Variants in COL6A6 observed in about 807,000 individuals in gnomAD.
COL6A6 encodes collagen alpha-6(VI) chain.
A neutral mutation model predicts 208.6 loss-of-function variants in COL6A6; 183 were observed. The ratio of observed to expected loss-of-function variants is 0.88; its 90% CI spans 0.78 to 0.99. COL6A6 has a LOEUF of 0.99. Among genes scored for constraint, COL6A6 ranks in the 50% least tolerant of loss-of-function variants. The pLI is 0.00. For missense variants in COL6A6, 2,816 were observed against 2,815.2 expected (o/e 1.00, Z -0.01); for synonymous variants, 973 against 1,011.8 (o/e 0.96, Z 0.73).
At position 130,649,369 on chromosome 3, in the gene COL6A6, GGTTT is replaced by G; in HGVS notation, c.5541_5544del (p.Ile1849ProfsTer48). 2 of 1,612,190 alleles carry G rather than the reference GGTTT, an allele frequency of 1.2e-6. No homozygotes were observed. The highest frequency in any genetic ancestry group is 1.7e-6 in the Non-Finnish European group (2 of 1,179,216). On this transcript the variant is annotated frameshift_variant, in exon 33 of 37. Coordinates refer to ENST00000358511, the MANE Select transcript of COL6A6 (RefSeq NM_001102608.3). LOFTEE classifies it high-confidence loss of function. The stretch of plus-strand genomic sequence containing the variant: ...AGCAGGGAGATTGGCAGAGCAATGC[GGTTT>G]ATTTCCAGGAATGTCTTCAAGCGGA...
At chr3:130,526,300 G>C (rs1444765834) in intron 1 of COL6A6, among the ~76,000 whole-genome samples, 1 of 151,990 alleles carries the variant, frequency 6.6e-6, no homozygotes, top group Non-Finnish European at 1.5e-5. Flanking sequence ...TTCCAAGCAG[G>C]AACAACTTTG....
In COL6A6 at chr3:130,537,362, TTAG is replaced by T. The variant is rs549167250; in HGVS notation, c.-32+19970_-32+19972del. Among the ~76,000 whole-genome samples the T allele has an allele frequency of 3.3e-5, 5 of 152,294 alleles. No individual in the cohort carries two copies. In the South Asian group the frequency reaches 1.0e-3, roughly 32 times the overall value. On this transcript the variant is annotated intron_variant, in intron 1 of 36. Transcript: ENST00000358511. The stretch of plus-strand genomic sequence containing the variant: ...TGGCTCTTAGAATAATGGCTGGCAC[TTAG>T]TAGTGCTCAGTAGTAGCTGTTATTC...
chr3:130,555,145 C>T lies in COL6A6; in HGVS notation c.-31-5189C>T, dbSNP rs769900631. ...ATGTTCCCACACCAAACTCTTTGGGCTCTGCATAGGCTGGAGTCCTGCCCC... is the reference window on the plus strand; with the variant it reads ...ATGTTCCCACACCAAACTCTTTGGGTTCTGCATAGGCTGGAGTCCTGCCCC... On this transcript the variant is annotated intron_variant, in intron 1 of 36. Coordinates refer to ENST00000358511, the MANE Select transcript of COL6A6 (RefSeq NM_001102608.3). Among the ~76,000 whole-genome samples the T allele has an allele frequency of 6.4e-4, 98 of 152,208 alleles. 1 individual carries two copies. Among genetic ancestry groups the T allele is most frequent in the Middle Eastern group, 3.2e-3 (1 of 316 alleles).
At chr3:130,653,878 A>G (rs895364864) in intron 33 of COL6A6, among the ~76,000 whole-genome samples, 14 of 152,178 alleles carry the variant, frequency 9.2e-5, no homozygotes, top group Non-Finnish European at 1.9e-4. Flanking sequence ...CTCTCCCCAT[A>G]AAACAACTCA....
intron 1 of COL6A6, among the ~76,000 whole-genome samples, chr3:130,534,126 A>G (rs1334221344): frequency 6.6e-6 from 1 of 152,188 alleles, no homozygotes; most frequent in Admixed American, 6.5e-5. Flanking sequence ...GCATCAAATT[A>G]TATTCCCACC....
In COL6A6 at chr3:130,571,189, G is replaced by A. The variant is rs1409232313; in HGVS notation, c.2773G>A (p.Asp925Asn). The A allele has an allele frequency of 1.2e-6, 2 of 1,613,462 alleles. No homozygotes were observed. Among genetic ancestry groups the A allele is most frequent in the Non-Finnish European group, 1.7e-6 (2 of 1,179,668 alleles). Residue 925 changes from aspartate (D) to asparagine (N), a missense_variant, in exon 7 of 37, where the codon GAT (aspartate) becomes AAT (asparagine). Transcript: ENST00000358511. ...TGTGATCACCGATGGGGAATCCCAT[G>A]ATGCTGATAAACTCAATGCCACGGC... The part of the protein sequence containing the change: ...LIVITDGESH[D>N]ADKLNATAKA...
Position 130,566,686 on chromosome 3 carries a change from A to G in COL6A6, c.1283-16A>G, listed in dbSNP as rs746722067. On this transcript the variant is annotated splice_polypyrimidine_tract_variant and intron_variant, in intron 4 of 36. Transcript: ENST00000358511. ...CTTGCTCAAATGCCACATGCAACTT[A>G]TTGATTCCTTTTTAGGTTGTGTGGA... 2.4e-5 allele frequency: 37 copies of G among 1,567,594 alleles called. No individual in the cohort carries two copies. Among genetic ancestry groups the G allele is most frequent in the Non-Finnish European group, 2.8e-5 (32 of 1,156,134 alleles).
At chr3:130,667,012 C>A (rs192946711) in intron 36 of COL6A6, among the ~76,000 whole-genome samples, 1 of 152,130 alleles carries the variant, frequency 6.6e-6, no homozygotes, top group African/African-American at 2.4e-5. Context: ...GTGGAAACCA[C>A]AAAACTATTG....
intron 36 of COL6A6, among the ~76,000 whole-genome samples, chr3:130,668,677 CAA>C (rs2066136768): frequency 6.6e-6 from 1 of 152,002 alleles, no homozygotes. Flanking sequence ...TACATGATGA[CAA>C]AGTGTTCAAT....
intron 33 of COL6A6, among the ~76,000 whole-genome samples, chr3:130,656,756 A>G (rs2065800197): frequency 6.6e-6 from 1 of 152,160 alleles, no homozygotes; most frequent in Admixed American, 6.5e-5. Flanking sequence ...CTGCCCTGAG[A>G]ACCCCCCTTG....
chr3:130,574,386 C>T lies in COL6A6; in HGVS notation c.3408C>T (p.Gly1136=), dbSNP rs758447861. ...RHRGIDIYSV[G]IGDVDDQQLI... is the part of the protein sequence containing the mutation. ...GAGGTATCGACATCTACTCCGTGGGCATTGGGGATGTGGATGACCAGCAGC... is the reference window on the plus strand; with the variant it reads ...GAGGTATCGACATCTACTCCGTGGGTATTGGGGATGTGGATGACCAGCAGC... Residue 1136 remains glycine (G), a synonymous_variant, in exon 8 of 37, where the codon GGC becomes GGT. Transcript: ENST00000358511. The T allele has an allele frequency of 2.5e-6, 4 of 1,613,998 alleles. No individual in the cohort carries two copies. Among genetic ancestry groups the T allele is most frequent in the Non-Finnish European group, 2.5e-6 (3 of 1,179,898 alleles).
chr3:130,576,957 A>G (rs9870482), intron 8 of COL6A6, among the ~76,000 whole-genome samples: 109,275 of 152,154 alleles, frequency 0.72, 42,862 homozygotes, highest in Non-Finnish European at 0.88. Flanking sequence ...AGATGTCAGT[A>G]CCATTTCTGA....
At chr3:130,547,422 T>A (rs1045060734) in intron 1 of COL6A6, among the ~76,000 whole-genome samples, 56 of 152,342 alleles carry the variant, frequency 3.7e-4, no homozygotes, top group African/African-American at 1.2e-3. Context: ...CACACAGCCC[T>A]TGGTTCTGGC....
At chr3:130,518,269 G>C (rs1160677942) in intron 1 of COL6A6, among the ~76,000 whole-genome samples, 1 of 152,140 alleles carries the variant, frequency 6.6e-6, no homozygotes, top group Admixed American at 6.5e-5. Context: ...TGGCAGGAAG[G>C]ATAACAGCAG....
intron 26 of COL6A6, among the ~76,000 whole-genome samples, chr3:130,628,669 A>G (rs2064964788): frequency 6.6e-6 from 1 of 152,208 alleles, no homozygotes; most frequent in Non-Finnish European, 1.5e-5. Flanking sequence ...AAAATGAATG[A>G]TCAAGTTTAG....
Position 130,599,786 on chromosome 3 carries a change from G to A in COL6A6, c.4629G>A (p.Gly1543=). The change falls in exon 20 of 37, where the codon GGG becomes GGA. Residue 1543 remains glycine, a synonymous_variant. Coordinates refer to ENST00000358511, the MANE Select transcript of COL6A6 (RefSeq NM_001102608.3). ...GAAGAGGCTGGCCAGGCCCCCCCGG[G>A]ACACCAGGCTCCAGAAGAAAGACAG... ...QGRRGWPGPP[G]TPGSRRKTAA... 4 of 1,613,756 alleles carry A rather than the reference G, an allele frequency of 2.5e-6. No homozygotes were observed. In the South Asian group the frequency reaches 4.4e-5, roughly 18 times the overall value.
chr3:130,675,091 G>T, intron 36 of COL6A6, 111 bp from the exon 37 acceptor site: 1 of 692,890 alleles, frequency 1.4e-6, no homozygotes, highest in Non-Finnish European at 2.2e-6. Context: ...CTGGAGGAAG[G>T]CTGCAACAAG....
chr3:130,658,668 T>G lies in COL6A6; in HGVS notation c.5734-8T>G, dbSNP rs757514795. 11 of 1,604,852 alleles carry G rather than the reference T, an allele frequency of 6.9e-6. No homozygotes were observed. The highest frequency in any genetic ancestry group is 1.7e-5 in the Admixed American group (1 of 59,606). ...CTAAGTTCTTTCTGCTGCTTCTGCT[T>G]CTTTTAGATTGACGACACTGGCACA... On this transcript the variant is annotated splice_region_variant and splice_polypyrimidine_tract_variant and intron_variant, in intron 33 of 36. Transcript: ENST00000358511.
At chr3:130,568,690 C>T in intron 6 of COL6A6, 86 bp downstream of exon 6, 1 of 1,257,078 alleles carries the variant, frequency 8.0e-7, no homozygotes, top group Non-Finnish European at 1.1e-6. Context: ...ATTCTATTTA[C>T]ATATTGTAAA....
Sources: allele counts gnomAD v4.1 joint callset (sites outside exome capture counted in the v4.1 genomes callset), GRCh38; gene constraint gnomAD v4.1.1; transcripts MANE v1.5; gene names NCBI Gene and HGNC (gene_info 2026-07-23, HGNC 2026-07-21).